Variants in CIROZ observed in about 807,000 individuals in gnomAD.
CIROZ encodes ciliated left-right organizer protein containing ZP-N domains.
chr1:10,948,991 A>G, the CIROZ span: 1 of 686,138 alleles, frequency 1.5e-6, no homozygotes, highest in Non-Finnish European at 2.1e-6. Context: ...ATAGGAGGCC[A>G]AGGCGGGTGG....
the CIROZ span, among the ~76,000 whole-genome samples, chr1:10,955,993 G>A: frequency 6.6e-6 from 1 of 152,146 alleles, no homozygotes; most frequent in Non-Finnish European, 1.5e-5. Context: ...AAAGGGATTT[G>A]AAACACTGTG....
At chr1:10,973,198 C>G in the CIROZ span, among the ~76,000 whole-genome samples, 84 of 151,990 alleles carry the variant, frequency 5.5e-4, no homozygotes, top group African/African-American at 1.9e-3. Flanking sequence ...CATGGTGAAA[C>G]CCCGTCTCTA....
the CIROZ span, among the ~76,000 whole-genome samples, chr1:10,967,924 A>G: frequency 6.6e-6 from 1 of 152,238 alleles, no homozygotes; most frequent in African/African-American, 2.4e-5. Context: ...CAGTGCGCCA[A>G]GGTCGCGCCA....
At chr1:10,967,920 G>A in the CIROZ span, among the ~76,000 whole-genome samples, 6 of 152,234 alleles carry the variant, frequency 3.9e-5, no homozygotes, top group African/African-American at 7.2e-5. Context: ...GTTGCAGTGC[G>A]CCAAGGTCGC....
At chr1:10,965,066 T>C in the CIROZ span, among the ~76,000 whole-genome samples, 1 of 151,968 alleles carries the variant, frequency 6.6e-6, no homozygotes, top group African/African-American at 2.4e-5. Flanking sequence ...CTCATTCCGG[T>C]ACAAGGCGGA....
the CIROZ span, among the ~76,000 whole-genome samples, chr1:10,971,600 T>A: frequency 6.6e-5 from 10 of 152,156 alleles, no homozygotes; most frequent in Admixed American, 6.5e-4. Context: ...AGGTCCTCAC[T>A]GACCACCCCC....
the CIROZ span, chr1:10,976,023 G>C: frequency 1.5e-6 from 1 of 677,836 alleles, no homozygotes; most frequent in Non-Finnish European, 2.5e-6. Context: ...TGAAATCCAC[G>C]CTTTGGTGAA....
the CIROZ span, among the ~76,000 whole-genome samples, chr1:10,947,245 C>T: frequency 1.3e-5 from 2 of 152,230 alleles, no homozygotes; most frequent in African/African-American, 4.8e-5. Flanking sequence ...AAGCCTGCAC[C>T]TCACCCTGAT....
chr1:10,952,435 C>T, the CIROZ span, among the ~76,000 whole-genome samples: 1 of 152,164 alleles, frequency 6.6e-6, no homozygotes, highest in Non-Finnish European at 1.5e-5. Context: ...CCTGCCCTCT[C>T]ATCAAAACCT....
the CIROZ span, among the ~76,000 whole-genome samples, chr1:10,963,025 T>G: frequency 4.6e-5 from 7 of 151,330 alleles, no homozygotes; most frequent in Non-Finnish European, 1.0e-4. Flanking sequence ...GAGGCTGAAG[T>G]GGGAGGATCC....
the CIROZ span, chr1:10,947,728 C>T: frequency 5.7e-6 from 9 of 1,566,054 alleles, no homozygotes; most frequent in East Asian, 1.8e-4. Flanking sequence ...CTGTGGCTTT[C>T]AGCACTGAGG....
At chr1:10,979,418 T>C in the CIROZ span, among the ~76,000 whole-genome samples, 3 of 152,108 alleles carry the variant, frequency 2.0e-5, no homozygotes, top group Non-Finnish European at 4.4e-5. Flanking sequence ...GAAATAATCC[T>C]GAAGCCAGAA....
the CIROZ span, among the ~76,000 whole-genome samples, chr1:10,952,345 CA>C: frequency 6.6e-6 from 1 of 151,806 alleles, no homozygotes; most frequent in African/African-American, 2.4e-5. Context: ...CCAGAGAGGC[CA>C]AAAAAACTCT....
chr1:10,954,171 A>G, the CIROZ span: 1 of 1,602,996 alleles, frequency 6.2e-7, no homozygotes, highest in Non-Finnish European at 8.5e-7. Flanking sequence ...TTAGTTGCAC[A>G]TTGGCTGGGC....
chr1:10,955,313 G>A, the CIROZ span: 2 of 796,706 alleles, frequency 2.5e-6, no homozygotes, highest in Non-Finnish European at 1.9e-6. Context: ...CCCAGTCAGT[G>A]ACAGCAAGTT....
the CIROZ span, chr1:10,970,157 A>AAAGG: frequency 2.0e-4 from 266 of 1,335,962 alleles, no homozygotes; most frequent in South Asian, 4.0e-4. Context: ...AGGAAGGAAG[A>AAAGG]AAGGAAGGAA....
the CIROZ span, among the ~76,000 whole-genome samples, chr1:10,968,535 G>C: frequency 1.3e-5 from 2 of 152,284 alleles, no homozygotes; most frequent in Non-Finnish European, 2.9e-5. Flanking sequence ...AGCTCGCTGG[G>C]GAAATAAAGT....
chr1:10,966,133 G>A, the CIROZ span, among the ~76,000 whole-genome samples: 1 of 152,140 alleles, frequency 6.6e-6, no homozygotes, highest in Admixed American at 6.5e-5. Flanking sequence ...GCACAGAGAA[G>A]GGGGGATTCT....
chr1:10,971,469 T>C, the CIROZ span, among the ~76,000 whole-genome samples: 1 of 152,026 alleles, frequency 6.6e-6, no homozygotes, highest in Non-Finnish European at 1.5e-5. Context: ...AAGCTGGTCT[T>C]TTCTCTACCT....
Sources: gnomAD v4.1 joint callset for allele counts (sites outside exome capture counted in the v4.1 genomes callset) on GRCh38, gnomAD v4.1.1 for gene constraint, MANE v1.5 for transcripts, NCBI Gene and HGNC (gene_info 2026-07-23, HGNC 2026-07-21) for gene names.